DNAH17: variants seen among roughly 807,000 people sequenced by gnomAD.
The protein encoded by DNAH17 is dynein axonemal heavy chain 17.
A neutral mutation model predicts 485.6 loss-of-function variants in DNAH17; 376 were observed. That is an observed-to-expected ratio of 0.77 (90% CI 0.71 to 0.84). The LOEUF is 0.84. Among genes scored for constraint, DNAH17 ranks in the 40% least tolerant of loss-of-function variants. The probability of loss-of-function intolerance (pLI) is 0.00; values close to 1 mark genes in which losing one functional copy is unlikely to be tolerated. For missense variants in DNAH17, 6,370 were observed against 5,839.3 expected, an observed-to-expected ratio of 1.09 and a Z score of -2.96; for synonymous variants, 3,031 against 2,405.9, an observed-to-expected ratio of 1.26 and a Z score of -7.60.
chr17:78,475,817 A>G lies in DNAH17; in HGVS notation c.8171T>C (p.Leu2724Pro). ...KKFFDDLGDELLFAKPNIFCH... is the reference protein window; with the variant it reads ...KKFFDDLGDEPLFAKPNIFCH... ...GAAGATATTTGGCTTGGCAAATAAG[A>G]GTTCATCACCAAGATCCTAGAAAAA... The change falls in exon 53 of 81, where the codon CTC becomes CCC. Residue 2724 changes from leucine (L) to proline (P), a missense_variant. By Grantham distance (98) the Leu-to-Pro change is moderately conservative. Transcript: ENST00000389840. 6.2e-7 allele frequency: 1 copy of G among 1,613,244 alleles called. No homozygotes were observed. The highest frequency in any genetic ancestry group is 8.5e-7 in the Non-Finnish European group (1 of 1,179,664).
rs186475700 is a variant in DNAH17 at position 78,501,724 on chromosome 17, G to A, written c.5322+18C>T. 82 of 1,610,268 alleles carry A rather than the reference G, an allele frequency of 5.1e-5. No individual in the cohort carries two copies. In the East Asian group the frequency reaches 1.7e-3, roughly 33 times the overall value. ...CCCCTTGCCCTTCCCCTGGCCCCTG[G>A]GACAGGGGCGCTCATGCCTTGGCCA... On this transcript the variant is annotated intron_variant, in intron 34 of 80. Coordinates refer to ENST00000389840, the MANE Select transcript of DNAH17 (RefSeq NM_173628.4).
At chr17:78,533,394 A>G (rs1011272334) in intron 19 of DNAH17, among the ~76,000 whole-genome samples, 5 of 152,188 alleles carry the variant, frequency 3.3e-5, no homozygotes, top group African/African-American at 1.2e-4. Context: ...TGGGTAGACA[A>G]GGAGCAAGAG....
chr17:78,534,175 A>G (rs1157589675), intron 19 of DNAH17, among the ~76,000 whole-genome samples: 3 of 152,214 alleles, frequency 2.0e-5, no homozygotes, highest in Admixed American at 1.3e-4. Context: ...CCCCTGCCCT[A>G]AATCACCCAG....
intron 26 of DNAH17, chr17:78,510,753 C>G (rs1598616788): frequency 2.4e-6 from 1 of 422,112 alleles, no homozygotes; most frequent in South Asian, 3.3e-5. Context: ...GAATTGCGGC[C>G]CCCCCGCAAA....
intron 48 of DNAH17, among the ~76,000 whole-genome samples, chr17:78,483,531 G>A (rs533732020): frequency 9.2e-5 from 14 of 152,180 alleles, no homozygotes; most frequent in Non-Finnish European, 1.8e-4. Flanking sequence ...TTGGGAGACT[G>A]AGGCAGGAGA....
intron 18 of DNAH17, among the ~76,000 whole-genome samples, chr17:78,538,410 G>A (rs1021062046): frequency 6.6e-6 from 1 of 152,166 alleles, no homozygotes; most frequent in East Asian, 1.9e-4. Flanking sequence ...ATGTGGGCCA[G>A]GATCCACCAG....
At chr17:78,500,249 G>A (rs924470120) in intron 36 of DNAH17, 56 bp downstream of exon 36, 1 of 1,540,980 alleles carries the variant, frequency 6.5e-7, no homozygotes, top group Middle Eastern at 1.7e-4. Flanking sequence ...AGGGTGCTAG[G>A]ATCTGCTTCT....
intron 48 of DNAH17, 129 bp downstream of exon 48, chr17:78,484,739 A>ACCCCCCCGCCCCCCCCCCCCCCCCCCC: frequency 8.6e-6 from 3 of 347,798 alleles, no homozygotes; most frequent in South Asian, 4.2e-5. Context: ...ACGTTGCAGC[A>ACCCCCCCGCCCCCCCCCCCCCCCCCCC]CCCCCCCCAC....
intron 30 of DNAH17, 99 bp from the exon 31 acceptor site, chr17:78,505,544 TG>T (rs1168880494): frequency 6.9e-7 from 1 of 1,445,680 alleles, no homozygotes; most frequent in African/African-American, 1.4e-5. Context: ...TCGTTCTTTT[TG>T]GAATATACTC....
intron 54 of DNAH17, among the ~76,000 whole-genome samples, chr17:78,474,771 G>A (rs534661399): frequency 2.9e-5 from 4 of 136,966 alleles, no homozygotes; most frequent in Middle Eastern, 4.3e-3. Flanking sequence ...TCAGTCACGC[G>A]GGCTGGAGGG....
chr17:78,451,610 G>A lies in DNAH17; in HGVS notation c.10593C>T (p.Thr3531=), dbSNP rs1243490939. Residue 3531 remains threonine (T), a synonymous_variant, in exon 66 of 81, where the codon ACC becomes ACT. Transcript: ENST00000389840. ...YHPKFRLILH[T]KYFNPHYKPE... The stretch of plus-strand genomic sequence containing the variant: ...GCTTGTAGTGTGGGTTGAAGTACTT[G>A]GTGTGTAGGATCAGGCGGAACTTGG... 1.9e-6 allele frequency: 3 copies of A among 1,609,234 alleles called. No homozygotes were observed. The highest frequency in any genetic ancestry group is 2.5e-6 in the Non-Finnish European group (3 of 1,177,782).
intron 54 of DNAH17, among the ~76,000 whole-genome samples, chr17:78,473,264 G>T (rs2088849776): frequency 6.6e-6 from 1 of 152,216 alleles, no homozygotes; most frequent in Non-Finnish European, 1.5e-5. Flanking sequence ...GACAGTGATG[G>T]CCGGGCGCAG....
intron 25 of DNAH17, among the ~76,000 whole-genome samples, chr17:78,523,805 G>A (rs973259597): frequency 6.6e-6 from 1 of 152,226 alleles, no homozygotes; most frequent in Admixed American, 6.5e-5. Context: ...TACTTGCGAG[G>A]CTGAGAGGCA....
intron 15 of DNAH17, among the ~76,000 whole-genome samples, chr17:78,552,494 C>T (rs1467179392): frequency 2.0e-5 from 3 of 147,406 alleles, no homozygotes; most frequent in Non-Finnish European, 4.5e-5. Flanking sequence ...GATTCCGTTT[C>T]TAAGTGACAC....
chr17:78,445,109 G>C (rs770939601), intron 70 of DNAH17, among the ~76,000 whole-genome samples: 1 of 151,662 alleles, frequency 6.6e-6, no homozygotes, highest in Admixed American at 6.6e-5. Context: ...ACCTTCTTCA[G>C]GTCTTTTTGA....
chr17:78,490,822 C>T lies in DNAH17; in HGVS notation c.6695G>A (p.Arg2232Gln), dbSNP rs753179824. 1.6e-5 allele frequency: 25 copies of T among 1,602,570 alleles called. No homozygotes were observed. The highest frequency in any genetic ancestry group is 2.3e-5 in the South Asian group (2 of 88,798). ...CCTCATGGTGCGGTTCAGGGGGATCCGCTCGTTGCTGGCCAGGGTGAGGAC... is the reference window on the plus strand; with the variant it reads ...CCTCATGGTGCGGTTCAGGGGGATCTGCTCGTTGCTGGCCAGGGTGAGGAC... ...NKVLTLASNE[R>Q]IPLNRTMRLV... The change falls in exon 44 of 81, where the codon CGG becomes CAG. Residue 2232 changes from arginine (R) to glutamine (Q), a missense_variant. Transcript: ENST00000389840.
chr17:78,439,034 C>G (rs750526847), intron 73 of DNAH17, 56 bp downstream of exon 73: 4 of 1,584,092 alleles, frequency 2.5e-6, no homozygotes, highest in Admixed American at 1.8e-5. Context: ...TGGCCCATCC[C>G]CATTGGCCAC....
intron 9 of DNAH17, among the ~76,000 whole-genome samples, chr17:78,568,466 T>TTATA (rs1392427589): frequency 6.6e-6 from 1 of 152,154 alleles, no homozygotes; most frequent in Non-Finnish European, 1.5e-5. Context: ...AGTTATACAG[T>TTATA]TATATGTGCA....
Position 78,458,846 on chromosome 17 carries a change from C to A in DNAH17, c.9861+155G>T, listed in dbSNP as rs1031036843. 4.8e-6 allele frequency: 5 copies of A among 1,048,762 alleles called. No individual in the cohort carries two copies. In the African/African-American group the frequency reaches 7.9e-5, roughly 17 times the overall value. The allele number at this position is 1,048,762 out of a possible 1,614,324, so 65.0% of individuals were successfully genotyped here. On this transcript the variant is annotated intron_variant, in intron 61 of 80. Transcript: ENST00000389840. ...GCTAAGGACACCAAGCGGCTCCCGG[C>A]ACCATCTGGCCCCTGCCTCTGCCTG...
Sources: gnomAD v4.1 joint callset for allele counts (sites outside exome capture counted in the v4.1 genomes callset) on GRCh38, gnomAD v4.1.1 for gene constraint, MANE v1.5 for transcripts, NCBI Gene and HGNC (gene_info 2026-07-23, HGNC 2026-07-21) for gene names.